The following EFHC1 variants were observed in gnomAD, a reference collection of about 807,000 sequenced individuals.
EFHC1 encodes the protein EF-hand domain containing 1.
EFHC1 carries 53 observed loss-of-function variants against 69.9 expected under a neutral mutation model. The observed-to-expected ratio is 0.76, with a 90% CI of 0.61 to 0.95. EFHC1 has a LOEUF of 0.95. Ranked by LOEUF, EFHC1 falls within the 40% of genes least tolerant of loss-of-function variation. EFHC1 has a pLI of 0.00. For missense variants in EFHC1, 739 were observed against 798.7 expected, an observed-to-expected ratio of 0.93 and a Z score of 0.90; for synonymous variants, 256 against 278.4, an observed-to-expected ratio of 0.92 and a Z score of 0.80.
intron 9 of EFHC1, chr6:52,484,156 G>C (rs1159624235): frequency 1.3e-5 from 2 of 152,148 alleles, no homozygotes; most frequent in Non-Finnish European, 2.9e-5. Context: ...GTTTGTGAGA[G>C]GATGGGGTTT....
chr6:52,438,615 T>C (rs960136052), intron 3 of EFHC1, 24 bp downstream of exon 3: 1 of 1,612,978 alleles, frequency 6.2e-7, no homozygotes, highest in South Asian at 1.1e-5. Flanking sequence ...TTTTGAAAGT[T>C]GTGGGGTCTG....
intron 3 of EFHC1, among the ~76,000 whole-genome samples, chr6:52,445,792 T>C (rs1764770634): frequency 6.6e-6 from 1 of 152,224 alleles, no homozygotes; most frequent in Non-Finnish European, 1.5e-5. Flanking sequence ...AGAACATCTT[T>C]ATTTCTGCCT....
chr6:52,478,468 A>G (rs1460785161), intron 7 of EFHC1, among the ~76,000 whole-genome samples: 2 of 152,212 alleles, frequency 1.3e-5, no homozygotes, highest in East Asian at 3.8e-4. Context: ...GTTTCTCAGA[A>G]TCACTTTCAA....
rs150837092 is a variant in EFHC1, at chr6:52,469,168, A to G, written c.1138-165A>G. ...GAACATGATGCAAAATCCACAGAGG[A>G]AGGGGATAAGTGATATGTTATATTT... is the stretch of plus-strand genomic sequence containing the variant. On this transcript the variant is annotated intron_variant, in intron 6 of 10. Transcript: ENST00000371068. The G allele has an allele frequency of 5.2e-4, 439 of 839,048 alleles. 4 individuals carry two copies. In the African/African-American group the frequency reaches 6.7e-3, roughly 13 times the overall value. 52.0% of individuals were successfully genotyped at this position (839,048 alleles called of 1,614,324 possible). A position where few individuals can be genotyped will look rare whatever the true frequency, so the allele number is the denominator to read the frequency against.
chr6:52,472,874 C>A (rs894435729), intron 7 of EFHC1, among the ~76,000 whole-genome samples: 1 of 151,588 alleles, frequency 6.6e-6, no homozygotes, highest in African/African-American at 2.4e-5. Flanking sequence ...ATATGTAACA[C>A]CTAAAATATT....
chr6:52,444,165 T>C (rs1266643148), intron 3 of EFHC1, among the ~76,000 whole-genome samples: 1 of 152,260 alleles, frequency 6.6e-6, no homozygotes, highest in African/African-American at 2.4e-5. Context: ...CTGAAGTTGC[T>C]TATCAGCTTA....
intron 5 of EFHC1, among the ~76,000 whole-genome samples, chr6:52,463,785 G>A (rs1238406854): frequency 6.6e-6 from 1 of 152,190 alleles, no homozygotes; most frequent in East Asian, 1.9e-4. Context: ...GTCCCTCATT[G>A]CCCATCACTT....
rs562067977 is a variant in EFHC1, at chr6:52,492,567, A to G, written c.*226A>G. 4.5e-5 allele frequency: 30 copies of G among 665,814 alleles called. No homozygotes were observed. In the East Asian group the frequency reaches 8.8e-4, roughly 20 times the overall value. The allele number at this position is 665,814 out of a possible 1,614,324, so 41.2% of individuals were successfully genotyped here. A position where few individuals can be genotyped will look rare whatever the true frequency, so the allele number is the denominator to read the frequency against. ...TAGCAATGTCTAATTTTGTGTGTCAAATTGACTTGGCCACAGGGGGCCCAA... is the reference window on the plus strand; with the variant it reads ...TAGCAATGTCTAATTTTGTGTGTCAGATTGACTTGGCCACAGGGGGCCCAA... On this transcript the variant is annotated 3_prime_UTR_variant, in exon 11 of 11. Coordinates refer to ENST00000371068, the MANE Select transcript of EFHC1 (RefSeq NM_018100.4).
chr6:52,465,479 T>C (rs1016051712), intron 6 of EFHC1, among the ~76,000 whole-genome samples: 3 of 152,072 alleles, frequency 2.0e-5, no homozygotes, highest in African/African-American at 4.8e-5. Flanking sequence ...TTGAAAAAAA[T>C]AAAATAGACA....
At position 52,474,516 on chromosome 6, in the gene EFHC1, G is replaced by A. The variant is rs115208135; in HGVS notation, c.1279-4521G>A. 3.2e-3 allele frequency among the ~76,000 whole-genome samples: 493 copies of A among 152,184 alleles called. 2 individuals are homozygous for A. Among genetic ancestry groups the A allele is most frequent in the African/African-American group, 0.012 (482 of 41,508 alleles). ...TTTGGCATAATAAATTTACTAGATGGTGCTAAGGGTGCAATATATGTTCAC... is the reference window on the plus strand; with the variant it reads ...TTTGGCATAATAAATTTACTAGATGATGCTAAGGGTGCAATATATGTTCAC... On this transcript the variant is annotated intron_variant, in intron 7 of 10. Coordinates refer to ENST00000371068, the MANE Select transcript of EFHC1 (RefSeq NM_018100.4).
Position 52,494,126 on chromosome 6 carries a change from T to C in EFHC1, c.*1785T>C, listed in dbSNP as rs1489697503. ...AGATGCTCCTCTACTTATGGGGCTA[T>C]GTCTCAATAAACTCACGTAAGTAAA... On this transcript the variant is annotated 3_prime_UTR_variant, in exon 11 of 11. Transcript: ENST00000371068. The C allele has an allele frequency of 2.2e-6, 1 of 454,054 alleles. No individual in the cohort carries two copies. The highest frequency in any genetic ancestry group is 2.0e-5 in the African/African-American group (1 of 50,020). The allele number at this position is 454,054 out of a possible 1,614,324, so 28.1% of individuals were successfully genotyped here.
chr6:52,420,351 C>T lies in EFHC1; in HGVS notation c.-60C>T, dbSNP rs767543560. ...GGAGGTGCCCGCGAACACTGCTTGT[C>T]GCCTGGGCAACCGGAGAGGACGAAG... is the stretch of plus-strand genomic sequence containing the variant. On this transcript the variant is annotated 5_prime_UTR_variant, in exon 1 of 11. Transcript: ENST00000371068. 13 of 1,607,016 alleles carry T rather than the reference C, an allele frequency of 8.1e-6. No individual in the cohort carries two copies. In the South Asian group the frequency reaches 1.4e-4, roughly 18 times the overall value.
intron 4 of EFHC1, 60 bp downstream of exon 4, chr6:52,452,897 G>A (rs778848958): frequency 6.2e-7 from 1 of 1,611,372 alleles, no homozygotes; most frequent in Non-Finnish European, 8.5e-7. Flanking sequence ...TACATTTATT[G>A]GCAAAAGGTT....
At chr6:52,420,505 C>T (rs775583924) in intron 1 of EFHC1, 32 bp downstream of exon 1, 3 of 1,613,814 alleles carry the variant, frequency 1.9e-6, no homozygotes, top group East Asian at 2.2e-5. Flanking sequence ...TCCCACCTGT[C>T]CCCACCTTCC....
rs1394712094 is a variant in EFHC1 at position 52,494,794 on chromosome 6, A to G, written c.*2453A>G. The G allele has an allele frequency of 6.6e-6, 3 of 451,276 alleles. No homozygotes were observed. The highest frequency in any genetic ancestry group is 1.3e-5 in the Non-Finnish European group (3 of 224,786). 28.0% of individuals were successfully genotyped at this position (451,276 alleles called of 1,614,324 possible). The stretch of plus-strand genomic sequence containing the variant: ...TCCCACTTAGAAGTAAGAACATGCA[A>G]TATTTGGTTTCCTATTCCTGCATCA... On this transcript the variant is annotated 3_prime_UTR_variant, in exon 11 of 11. Coordinates refer to ENST00000371068, the MANE Select transcript of EFHC1 (RefSeq NM_018100.4).
At position 52,475,588 on chromosome 6, in the gene EFHC1, GTGTT is replaced by G. The variant is rs199622498; in HGVS notation, c.1279-3444_1279-3441del. ...GATACGCAAGACAGTACCATGTGTG[GTGTT>G]TGTTAAGAAAATATTACAGCCTCTG... On this transcript the variant is annotated intron_variant, in intron 7 of 10. Coordinates refer to ENST00000371068, the MANE Select transcript of EFHC1 (RefSeq NM_018100.4). 4.5e-3 allele frequency among the ~76,000 whole-genome samples: 691 copies of G among 152,262 alleles called. 3 individuals are homozygous for G. Among genetic ancestry groups the G allele is most frequent in the Admixed American group, 9.2e-3 (141 of 15,284 alleles).
In EFHC1 at chr6:52,466,334, G is replaced by A. The variant is rs115284617; in HGVS notation, c.1137+1219G>A. On this transcript the variant is annotated intron_variant, in intron 6 of 10. Transcript: ENST00000371068. ...CGTACTGAGTTCTCTGGTTCTACCAGTACAGCATCTTGTTTTACTCCCAGG... is the reference window on the plus strand; with the variant it reads ...CGTACTGAGTTCTCTGGTTCTACCAATACAGCATCTTGTTTTACTCCCAGG... Among the ~76,000 whole-genome samples the A allele has an allele frequency of 3.4e-3, 518 of 152,244 alleles. 4 individuals carry two copies. The highest frequency in any genetic ancestry group is 0.012 in the African/African-American group (484 of 41,540).
rs147146983 is a variant in EFHC1 at position 52,490,696 on chromosome 6, C to T, written c.1851+346C>T. On this transcript the variant is annotated intron_variant, in intron 10 of 10. Coordinates refer to ENST00000371068, the MANE Select transcript of EFHC1 (RefSeq NM_018100.4). ...GTTGATAGAGCAGACTGGTTGGCAG[C>T]CTTTGATACCCTTCACAGCTGATAC... 5.7e-4 allele frequency: 275 copies of T among 485,400 alleles called. 1 individual carries two copies. In the Middle Eastern group the frequency reaches 5.9e-3, roughly 10 times the overall value. 30.1% of individuals were successfully genotyped at this position (485,400 alleles called of 1,614,324 possible). A position where few individuals can be genotyped will look rare whatever the true frequency, so the allele number is the denominator to read the frequency against.
chr6:52,424,140 TC>T lies in EFHC1; in HGVS notation c.260del (p.Pro87LeufsTer11). The T allele has an allele frequency of 6.2e-7, 1 of 1,614,084 alleles. No homozygotes were observed. Among genetic ancestry groups the T allele is most frequent in the Non-Finnish European group, 8.5e-7 (1 of 1,179,950 alleles). The part of the protein sequence containing the change: ...PKQAPPADFI[P>X]AHVAFDKKVL... ...AACAAGCCCCACCTGCGGATTTTAT[TC>T]CTGCGCATGTGGCCTTTGACAAAAA... On this transcript the variant is annotated frameshift_variant, in exon 2 of 11. Transcript: ENST00000371068. LOFTEE classifies it high-confidence loss of function.
Sources: gnomAD v4.1 joint callset for allele counts (sites outside exome capture counted in the v4.1 genomes callset) on GRCh38, gnomAD v4.1.1 for gene constraint, MANE v1.5 for transcripts, NCBI Gene and HGNC (gene_info 2026-07-23, HGNC 2026-07-21) for gene names.